PIK3R3: variants seen among roughly 807,000 people sequenced by gnomAD.
The protein encoded by PIK3R3 is phosphatidylinositol 3-kinase regulatory subunit gamma.
PIK3R3 carries 64 observed loss-of-function variants against 62.9 expected under a neutral mutation model. The ratio of observed to expected loss-of-function variants is 1.02; its 90% CI spans 0.83 to 1.25. The LOEUF is 1.25. Ranked by LOEUF, PIK3R3 falls within the 50% of genes most tolerant of loss-of-function variation. PIK3R3 has a pLI of 0.00. For synonymous variants in PIK3R3, 165 were observed against 189.0 expected (o/e 0.87, Z 1.04); for missense variants, 614 against 561.6 (o/e 1.09, Z -0.94).
chr1:46,146,738 C>G, the PIK3R3 span, among the ~76,000 whole-genome samples: 5 of 128,574 alleles, frequency 3.9e-5, no homozygotes, highest in East Asian at 1.0e-3. Flanking sequence ...CACACACACA[C>G]ACACACACAC....
At chr1:46,080,131 G>A (rs1475527452) in intron 2 of PIK3R3, among the ~76,000 whole-genome samples, 1 of 140,914 alleles carries the variant, frequency 7.1e-6, no homozygotes, top group Non-Finnish European at 1.5e-5. Flanking sequence ...GCACTATCTC[G>A]GCTCACTGCA....
upstream of PIK3R3, chr1:46,133,053 T>C: frequency 9.8e-7 from 1 of 1,018,022 alleles, no homozygotes; most frequent in Non-Finnish European, 1.2e-6. Context: ...GCCTGGAGCC[T>C]GCGTCTTTTG....
intron 7 of PIK3R3, among the ~76,000 whole-genome samples, chr1:46,054,397 CA>C (rs10649671): frequency 0.25 from 19,819 of 79,230 alleles, 1,332 homozygotes; most frequent in South Asian, 0.42. Flanking sequence ...CTCCGCCTCA[CA>C]AAAAAAAAAA....
chr1:46,077,611 T>A lies in PIK3R3; in HGVS notation c.218A>T (p.Glu73Val). 1 of 1,589,534 alleles carries A rather than the reference T, an allele frequency of 6.3e-7. No homozygotes were observed. Among genetic ancestry groups the A allele is most frequent in the African/African-American group, 1.3e-5 (1 of 74,540 alleles). The part of the protein sequence containing the change: ...AEWYWGDISR[E>V]EVNDKLRDMP... ...ATCCCGCAATTTGTCATTTACCTCC[T>A]CCCTGAAGAACAGAATTATAAGAAA... Residue 73 changes from glutamate to valine, a missense_variant and splice_region_variant, in exon 3 of 10, where the codon GAG (glutamate) becomes GTG (valine). Transcript: ENST00000262741.
At chr1:46,091,438 GC>G (rs1219988921) in intron 1 of PIK3R3, among the ~76,000 whole-genome samples, 1 of 151,350 alleles carries the variant, frequency 6.6e-6, no homozygotes, top group African/African-American at 2.4e-5. Context: ...ACCATGCCTG[GC>G]CCATTTTTAC....
chr1:46,145,460 A>G, the PIK3R3 span, among the ~76,000 whole-genome samples: 1 of 152,336 alleles, frequency 6.6e-6, no homozygotes, highest in South Asian at 2.1e-4. Flanking sequence ...TGAGAGCCTC[A>G]TGCTGCTTCC....
At chr1:46,065,829 C>G (rs1486465802) in intron 5 of PIK3R3, among the ~76,000 whole-genome samples, 1 of 152,120 alleles carries the variant, frequency 6.6e-6, no homozygotes. Flanking sequence ...CTATCTGAAG[C>G]CTTTGGTTTT....
chr1:46,048,232 G>A (rs1474645811), intron 7 of PIK3R3: 3 of 152,038 alleles, frequency 2.0e-5, no homozygotes, highest in African/African-American at 7.2e-5. Flanking sequence ...TTTGCTGGTG[G>A]GCTGCTTTTA....
chr1:46,066,201 TAAAG>T lies in PIK3R3; in HGVS notation c.496-26_496-23del, dbSNP rs753344476. 9 of 1,473,002 alleles carry T rather than the reference TAAAG, an allele frequency of 6.1e-6. No homozygotes were observed. The Admixed American group carries it at 1.1e-4, about 19-fold the overall frequency. 91.2% of individuals were successfully genotyped at this position (1,473,002 alleles called of 1,614,324 possible). ...GATCCTATACAGGTAAAGAAAAAAA[TAAAG>T]AATGTTAACAATTCTGACATATGTG... On this transcript the variant is annotated intron_variant, in intron 4 of 9. Coordinates refer to ENST00000262741, the MANE Select transcript of PIK3R3 (RefSeq NM_003629.4).
intron 1 of PIK3R3, among the ~76,000 whole-genome samples, chr1:46,124,775 A>C (rs1654949823): frequency 2.3e-5 from 3 of 131,830 alleles, no homozygotes; most frequent in Non-Finnish European, 4.7e-5. Context: ...CAGCCTGGGC[A>C]ATAAGGGTGA....
chr1:46,160,986 C>T, the PIK3R3 span, among the ~76,000 whole-genome samples: 1 of 152,142 alleles, frequency 6.6e-6, no homozygotes, highest in Non-Finnish European at 1.5e-5. Context: ...ATAGTCTGAT[C>T]AGTAGAGGAA....
At chr1:46,077,420 T>A in intron 3 of PIK3R3, 95 bp downstream of exon 3, 1 of 531,862 alleles carries the variant, frequency 1.9e-6, no homozygotes, top group Non-Finnish European at 3.3e-6. Flanking sequence ...ATATGAAAAA[T>A]TGTATAGATA....
At chr1:46,125,923 GCTAA>G (rs1191976190) in intron 1 of PIK3R3, among the ~76,000 whole-genome samples, 6 of 151,988 alleles carry the variant, frequency 3.9e-5, no homozygotes, top group Non-Finnish European at 8.8e-5. Flanking sequence ...ACCACACCCA[GCTAA>G]CTTTTTGTAT....
intron 6 of PIK3R3, among the ~76,000 whole-genome samples, chr1:46,061,113 C>A (rs1173054155): frequency 6.6e-6 from 1 of 152,232 alleles, no homozygotes; most frequent in African/African-American, 2.4e-5. Flanking sequence ...AGCTGCCTGC[C>A]CCCTAGTGAG....
chr1:46,046,403 T>G, intron 8 of PIK3R3, 148 bp downstream of exon 8: 1 of 646,782 alleles, frequency 1.5e-6, no homozygotes, highest in South Asian at 2.0e-5. Context: ...TAGGGTACCT[T>G]CAGGCAATTC....
chr1:46,104,494 A>C (rs1407409830), intron 1 of PIK3R3, among the ~76,000 whole-genome samples: 1 of 152,220 alleles, frequency 6.6e-6, no homozygotes, highest in Non-Finnish European at 1.5e-5. Context: ...ATCAGAAAGT[A>C]TCAAATACCC....
At chr1:46,067,127 C>T in intron 3 of PIK3R3, 36 bp from the exon 4 acceptor site, 1 of 1,476,852 alleles carries the variant, frequency 6.8e-7, no homozygotes, top group Non-Finnish European at 9.1e-7. Flanking sequence ...GGATTTTTTT[C>T]CCCCAAATTC....
Position 46,041,284 on chromosome 1 carries a change from A to G in PIK3R3, c.*2389T>C, listed in dbSNP as rs1475831895. On this transcript the variant is annotated 3_prime_UTR_variant, in exon 10 of 10. Coordinates refer to ENST00000262741, the MANE Select transcript of PIK3R3 (RefSeq NM_003629.4). ...CCACAGGCTCAGGGTCAAGCAAGTC[A>G]TGTGGCAACTGGTCAGAAAAGATAC... 2 of 157,242 alleles carry G rather than the reference A, an allele frequency of 1.3e-5. No homozygotes were observed. The highest frequency in any genetic ancestry group is 2.8e-5 in the Non-Finnish European group (2 of 70,836). The allele number at this position is 157,242 out of a possible 1,614,324, so 9.7% of individuals were successfully genotyped here.
chr1:46,125,258 T>C (rs983568545), intron 1 of PIK3R3, among the ~76,000 whole-genome samples: 3 of 151,960 alleles, frequency 2.0e-5, no homozygotes, highest in Non-Finnish European at 4.4e-5. Context: ...ATGAAAGCAA[T>C]GACTAATCTT....
Sources: allele counts gnomAD v4.1 joint callset (sites outside exome capture counted in the v4.1 genomes callset), GRCh38; gene constraint gnomAD v4.1.1; transcripts MANE v1.5; gene names NCBI Gene and HGNC (gene_info 2026-07-23, HGNC 2026-07-21).